Variants in DPP9 observed in about 807,000 individuals in gnomAD.
DPP9 encodes dipeptidyl peptidase 9.
A neutral mutation model predicts 110.7 loss-of-function variants in DPP9; 50 were observed. That is an observed-to-expected ratio of 0.45 (90% CI 0.36 to 0.57). The LOEUF (loss-of-function observed/expected upper bound fraction) is 0.57. Among genes scored for constraint, DPP9 ranks in the 20% least tolerant of loss-of-function variants. DPP9 has a pLI of 0.00. For synonymous variants in DPP9, 561 were observed against 514.4 expected (o/e 1.09, Z -1.23); for missense variants, 1,022 against 1,217.9 (o/e 0.84, Z 2.39).
chr19:4,711,163 G>A (rs2092812648), intron 4 of DPP9, among the ~76,000 whole-genome samples: 1 of 152,112 alleles, frequency 6.6e-6, no homozygotes, highest in Non-Finnish European at 1.5e-5. Flanking sequence ...CTTCTGGAAG[G>A]CTCTGGTTCT....
chr19:4,680,737 A>T (rs997343558), intron 20 of DPP9, among the ~76,000 whole-genome samples: 1 of 151,096 alleles, frequency 6.6e-6, no homozygotes, highest in African/African-American at 2.4e-5. Context: ...CAGGTGGATC[A>T]CTTGAGGCCA....
chr19:4,686,687 G>A (rs1174238005), intron 16 of DPP9, among the ~76,000 whole-genome samples: 1 of 152,166 alleles, frequency 6.6e-6, no homozygotes, highest in Admixed American at 6.5e-5. Flanking sequence ...ACAGGCGTGA[G>A]GCACTGCACC....
intron 4 of DPP9, among the ~76,000 whole-genome samples, chr19:4,708,825 C>T (rs980103747): frequency 4.6e-5 from 7 of 152,212 alleles, no homozygotes; most frequent in African/African-American, 1.2e-4. Flanking sequence ...AAATAACTAT[C>T]GGGTACTAGC....
In DPP9 at chr19:4,682,366, T is replaced by G. The variant is rs1212947744; in HGVS notation, c.2474+330A>C. 6.6e-6 allele frequency among the ~76,000 whole-genome samples: 1 copy of G among 152,208 alleles called. No homozygotes were observed. Among genetic ancestry groups the G allele is most frequent in the Non-Finnish European group, 1.5e-5 (1 of 68,030 alleles). On this transcript the variant is annotated intron_variant, in intron 20 of 21. Transcript: ENST00000262960. The surrounding 1 kb of genome is among the most constrained non-coding windows in gnomAD (Gnocchi z 7.1). ...GGCTGTGATGGGGCCTCCAGCAGGA[T>G]GCAGGGGAGTGGGGGAGGCTTGCCT...
At chr19:4,697,769 G>T in intron 10 of DPP9, 118 bp from the exon 11 acceptor site, 1 of 785,796 alleles carries the variant, frequency 1.3e-6, no homozygotes. Flanking sequence ...TGGAGTCTCA[G>T]CCCCCAGAAC....
At position 4,683,427 on chromosome 19, in the gene DPP9, G is replaced by T. The variant is rs1454097747; in HGVS notation, c.2331+50C>A. Reference sequence around the variant, plus strand: ...GGTGGGCAAACGCGGCGTAGATGGGGAAGGGGGCAGGGAGGGGCGTGGCTG... The same window carrying T: ...GGTGGGCAAACGCGGCGTAGATGGGTAAGGGGGCAGGGAGGGGCGTGGCTG... On this transcript the variant is annotated intron_variant, in intron 19 of 21. Coordinates refer to ENST00000262960, the MANE Select transcript of DPP9 (RefSeq NM_139159.5). 5.0e-6 allele frequency: 8 copies of T among 1,607,496 alleles called. No homozygotes were observed. In the East Asian group the frequency reaches 1.8e-4, roughly 36 times the overall value.
chr19:4,705,839 G>A lies in DPP9; in HGVS notation c.426+19C>T. 2 of 1,612,228 alleles carry A rather than the reference G, an allele frequency of 1.2e-6. No homozygotes were observed. The highest frequency in any genetic ancestry group is 1.1e-5 in the South Asian group (1 of 91,012). ...CCTCCTCGCCCACGGTAGGGCCCAC[G>A]CCTAATAGCACAGCTTACCTGGAAA... On this transcript the variant is annotated intron_variant, in intron 5 of 21. Coordinates refer to ENST00000262960, the MANE Select transcript of DPP9 (RefSeq NM_139159.5).
Position 4,704,456 on chromosome 19 carries a change from C to T in DPP9, c.427-152G>A, listed in dbSNP as rs544052975. Among the ~76,000 whole-genome samples the T allele has an allele frequency of 2.6e-5, 4 of 152,296 alleles. No individual in the cohort carries two copies. The highest frequency in any genetic ancestry group is 2.1e-4 in the South Asian group (1 of 4,822). On this transcript the variant is annotated intron_variant, in intron 5 of 21. Transcript: ENST00000262960. The surrounding 1 kb of genome is among the most constrained non-coding windows in gnomAD (Gnocchi z 6.0). Reference sequence around the variant, plus strand: ...TCCTGTACTGGGCAGAATTGGCTGCCGGAGCCCTTGACACAGTGGGTGGCC... The same window carrying T: ...TCCTGTACTGGGCAGAATTGGCTGCTGGAGCCCTTGACACAGTGGGTGGCC...
At chr19:4,707,903 G>A (rs1408708358) in intron 4 of DPP9, among the ~76,000 whole-genome samples, 2 of 152,166 alleles carry the variant, frequency 1.3e-5, no homozygotes, top group Non-Finnish European at 2.9e-5. Flanking sequence ...TGGGATAACA[G>A]GCATGAGCCA....
rs1435972536 is a variant in DPP9 at position 4,693,299 on chromosome 19, C to G, written c.1516+1362G>C. On this transcript the variant is annotated intron_variant, in intron 13 of 21. Coordinates refer to ENST00000262960, the MANE Select transcript of DPP9 (RefSeq NM_139159.5). This position sits in a 1 kb window ranked among gnomAD's most constrained non-coding sequence, Gnocchi z 5.0. The stretch of plus-strand genomic sequence containing the variant: ...CCCACCTCTCTATCCAGAAGTGACC[C>G]TTGGGAGCTCTGTCCCATCCCGAGG... Among the ~76,000 whole-genome samples, 1 of 152,094 alleles carries G rather than the reference C, an allele frequency of 6.6e-6. No individual in the cohort carries two copies. The highest frequency in any genetic ancestry group is 1.5e-5 in the Non-Finnish European group (1 of 67,980).
rs1368188964 is a variant in DPP9, at chr19:4,682,966, C to A, written c.2332-128G>T. On this transcript the variant is annotated intron_variant, in intron 19 of 21. Transcript: ENST00000262960. This position sits in a 1 kb window ranked among gnomAD's most constrained non-coding sequence, Gnocchi z 7.1. The stretch of plus-strand genomic sequence containing the variant: ...GTGAGGAGCGCTCATGCACATGGGG[C>A]CGGCAAGGAAGGGGCCCTCAGACCG... The A allele has an allele frequency of 6.5e-7, 1 of 1,533,174 alleles. No homozygotes were observed. Among genetic ancestry groups the A allele is most frequent in the Non-Finnish European group, 8.7e-7 (1 of 1,145,864 alleles). 95.0% of individuals were successfully genotyped at this position (1,533,174 alleles called of 1,614,324 possible). A position where few individuals can be genotyped will look rare whatever the true frequency, so the allele number is the denominator to read the frequency against.
rs750378958 is a variant in DPP9, at chr19:4,685,572, G to A, written c.2031+54C>T. ...ACAGCTGGCACTTGAGTGGGGATGGGGAGTCCTCGGGTGGATGGTGGGGTG... is the reference window on the plus strand; with the variant it reads ...ACAGCTGGCACTTGAGTGGGGATGGAGAGTCCTCGGGTGGATGGTGGGGTG... On this transcript the variant is annotated intron_variant, in intron 17 of 21. Transcript: ENST00000262960. This position sits in a 1 kb window ranked among gnomAD's most constrained non-coding sequence, Gnocchi z 5.8. 122 of 1,537,138 alleles carry A rather than the reference G, an allele frequency of 7.9e-5. No individual in the cohort carries two copies. Among genetic ancestry groups the A allele is most frequent in the Non-Finnish European group, 1.0e-4 (115 of 1,133,014 alleles).
chr19:4,701,578 AAAAC>A (rs540655654), intron 9 of DPP9, among the ~76,000 whole-genome samples: 83 of 152,358 alleles, frequency 5.4e-4, no homozygotes, highest in Non-Finnish European at 4.6e-4. Flanking sequence ...GACGGTTAAG[AAAAC>A]AAACAAACAA....
In DPP9 at chr19:4,704,745, A is replaced by T. The variant is rs2092488376; in HGVS notation, c.427-441T>A. On this transcript the variant is annotated intron_variant, in intron 5 of 21. Transcript: ENST00000262960. This position sits in a 1 kb window ranked among gnomAD's most constrained non-coding sequence, Gnocchi z 6.0. ...TCCCATCAAGAGCTTTCAATTTCGT[A>T]ATCCCAGCACTTTGGGAGGCCGAGG... Among the ~76,000 whole-genome samples the T allele has an allele frequency of 6.6e-6, 1 of 152,196 alleles. No homozygotes were observed. The highest frequency in any genetic ancestry group is 6.5e-5 in the Admixed American group (1 of 15,282).
At chr19:4,692,835 G>C (rs2091447532) in intron 13 of DPP9, among the ~76,000 whole-genome samples, 1 of 152,178 alleles carries the variant, frequency 6.6e-6, no homozygotes, top group Admixed American at 6.6e-5. Context: ...GCCGAAGACA[G>C]CTCCCCTTTG....
At chr19:4,681,838 C>A (rs532798644) in intron 20 of DPP9, among the ~76,000 whole-genome samples, 1 of 146,250 alleles carries the variant, frequency 6.8e-6, no homozygotes, top group South Asian at 2.2e-4. Flanking sequence ...AGTGCCCAGG[C>A]AGACTTTTTT....
chr19:4,684,524 A>G lies in DPP9; in HGVS notation c.2178+139T>C, dbSNP rs1261184755. On this transcript the variant is annotated intron_variant, in intron 18 of 21. Coordinates refer to ENST00000262960, the MANE Select transcript of DPP9 (RefSeq NM_139159.5). This position sits in a 1 kb window ranked among gnomAD's most constrained non-coding sequence, Gnocchi z 4.8. ...CCCTTTTGTTCTAAAAGGGCGCCTC[A>G]TTGAGCCTGCGTCACCCCAGCCAGA... is the stretch of plus-strand genomic sequence containing the variant. The G allele has an allele frequency of 1.0e-6, 1 of 981,558 alleles. No individual in the cohort carries two copies. Among genetic ancestry groups the G allele is most frequent in the African/African-American group, 1.7e-5 (1 of 60,164 alleles). 60.8% of individuals were successfully genotyped at this position (981,558 alleles called of 1,614,324 possible).
chr19:4,699,807 C>T (rs1293725222), intron 10 of DPP9, among the ~76,000 whole-genome samples: 2 of 152,302 alleles, frequency 1.3e-5, no homozygotes, highest in Middle Eastern at 3.4e-3. Context: ...ACAGCCCGTC[C>T]GAAGTTGGGG....
chr19:4,691,670 CT>C (rs1006998596), intron 13 of DPP9, among the ~76,000 whole-genome samples: 145 of 95,106 alleles, frequency 1.5e-3, no homozygotes, highest in African/African-American at 3.2e-3. Context: ...TAAAACCAGA[CT>C]TTTTTTTTTT....
Sources: allele counts gnomAD v4.1 joint callset (sites outside exome capture counted in the v4.1 genomes callset), GRCh38; gene constraint gnomAD v4.1.1; non-coding constraint Gnocchi (gnomAD v3.1); transcripts MANE v1.5; gene names NCBI Gene and HGNC (gene_info 2026-07-23, HGNC 2026-07-21).